Variants in EGFL6 observed in about 807,000 individuals in gnomAD.
EGFL6 encodes EGF like domain multiple 6.
A neutral mutation model predicts 43.1 loss-of-function variants in EGFL6; 42 were observed. The observed-to-expected ratio is 0.98, with a 90% CI of 0.76 to 1.26. The LOEUF is 1.26. Among genes scored for constraint, EGFL6 ranks in the 50% most tolerant of loss-of-function variants. The pLI, the probability that EGFL6 is intolerant of heterozygous loss-of-function variation, is 0.00. For synonymous variants in EGFL6, 164 were observed against 163.2 expected (o/e 1.01, Z -0.04); for missense variants, 429 against 427.8 (o/e 1.00, Z -0.02).
At chrX:13,613,765 C>A (rs2045704857) in intron 7 of EGFL6, among the ~76,000 whole-genome samples, 1 of 111,994 alleles carries the variant, frequency 8.9e-6, no homozygotes, top group African/African-American at 3.2e-5. Context: ...AGTGACAAAG[C>A]CCTCCTTACC....
At chrX:13,592,197 C>T (rs977135940) in intron 2 of EGFL6, among the ~76,000 whole-genome samples, 1 of 100,875 alleles carries the variant, frequency 9.9e-6, no homozygotes, top group Non-Finnish European at 2.0e-5. Context: ...CAGGGAACAA[C>T]TAGAGGTCTT....
intron 7 of EGFL6, among the ~76,000 whole-genome samples, chrX:13,615,182 C>T (rs2045711963): frequency 8.9e-6 from 1 of 112,639 alleles, no homozygotes; most frequent in African/African-American, 3.2e-5. Flanking sequence ...ATATGCATAT[C>T]ATTAAAGTGC....
Position 13,604,980 on chromosome X carries a change from G to T in EGFL6, c.521-1399G>T, listed in dbSNP as rs1282689303. Among the ~76,000 whole-genome samples, 2 of 111,970 alleles carry T rather than the reference G, an allele frequency of 1.8e-5. 1 individual carries two copies. Among genetic ancestry groups the T allele is most frequent in the East Asian group, 5.6e-4 (2 of 3,596 alleles). Reference sequence around the variant, plus strand: ...CTAAACACTTTTTAAAAATATACATGTAAATTAAAATTTTGTCTCTACTCT... The same window carrying T: ...CTAAACACTTTTTAAAAATATACATTTAAATTAAAATTTTGTCTCTACTCT... On this transcript the variant is annotated intron_variant, in intron 5 of 11. Coordinates refer to ENST00000361306, the MANE Select transcript of EGFL6 (RefSeq NM_015507.4).
chrX:13,631,513 G>A (rs891037706), intron 11 of EGFL6, among the ~76,000 whole-genome samples: 1 of 111,553 alleles, frequency 9.0e-6, no homozygotes, highest in South Asian at 3.7e-4. Context: ...CGGGCGCAGT[G>A]GCTCATGCCT....
In EGFL6 at chrX:13,603,329, G is replaced by T; in HGVS notation, c.413G>T (p.Cys138Phe). The change falls in exon 5 of 12, where the codon TGT becomes TTT. Residue 138 changes from cysteine to phenylalanine, a missense_variant. By Grantham distance (205) the Cys-to-Phe change is radical (BLOSUM62 -2). Transcript: ENST00000361306. Reference protein sequence around the residue: ...PDATCVNSRTCAMINCQYSCE... With the variant: ...PDATCVNSRTFAMINCQYSCE... ...TCTACTTTTTCAGACTCTAGGACATGTGCCATGATAAACTGTCAGTACAGC... is the reference window on the plus strand; with the variant it reads ...TCTACTTTTTCAGACTCTAGGACATTTGCCATGATAAACTGTCAGTACAGC... 8.3e-7 allele frequency: 1 copy of T among 1,208,420 alleles called. No homozygotes were observed. Among genetic ancestry groups the T allele is most frequent in the Non-Finnish European group, 1.1e-6 (1 of 894,168 alleles).
chrX:13,600,021 T>G lies in EGFL6; in HGVS notation c.327T>G (p.Cys109Trp). The change falls in exon 4 of 12, where the codon TGT becomes TGG. Residue 109 changes from cysteine to tryptophan, a missense_variant. Transcript: ENST00000361306. ...GMKPRPCQHR[C>W]VNTHGSYKCF... is the part of the protein sequence containing the mutation. ...AACCCCGGCCATGCCAACACAGATG[T>G]GTGAATACACACGGAAGCTACAAGT... The G allele has an allele frequency of 1.7e-6, 2 of 1,210,501 alleles. No individual in the cohort carries two copies. Among genetic ancestry groups the G allele is most frequent in the Non-Finnish European group, 2.2e-6 (2 of 894,457 alleles).
intron 6 of EGFL6, 58 bp from the exon 7 acceptor site, chrX:13,608,266 G>A: frequency 4.2e-6 from 5 of 1,192,269 alleles, no homozygotes; most frequent in Non-Finnish European, 5.7e-6. Flanking sequence ...AAGTGTAAGG[G>A]TGAGTCTTTC....
At chrX:13,587,736 A>C in intron 1 of EGFL6, among the ~76,000 whole-genome samples, 1 of 112,198 alleles carries the variant, frequency 8.9e-6, no homozygotes, top group Non-Finnish European at 1.9e-5. Flanking sequence ...AATATTTAGC[A>C]TGCTATCCTA....
chrX:13,598,473 G>A (rs924130144), intron 3 of EGFL6, among the ~76,000 whole-genome samples: 5 of 111,046 alleles, frequency 4.5e-5, no homozygotes, highest in Non-Finnish European at 7.6e-5. Context: ...TTCCAAAGGC[G>A]ACATCCTCTA....
chrX:13,603,537 T>C lies in EGFL6; in HGVS notation c.520+101T>C, dbSNP rs764915734. ...TCACAATCAGCTTGTTGACTAGACA[T>C]TGGAAACTTCTAAAAGTACAGATTT... On this transcript the variant is annotated intron_variant, in intron 5 of 11. Transcript: ENST00000361306. The C allele has an allele frequency of 4.0e-4, 383 of 958,334 alleles. 1 individual carries two copies. The highest frequency in any genetic ancestry group is 5.1e-4 in the Admixed American group (15 of 29,403). 79.0% of individuals were successfully genotyped at this position (958,334 alleles called of 1,213,427 possible).
At chrX:13,590,509 T>C (rs1309222518) in intron 2 of EGFL6, among the ~76,000 whole-genome samples, 1 of 111,898 alleles carries the variant, frequency 8.9e-6, no homozygotes, top group African/African-American at 3.3e-5. Flanking sequence ...TATTTATCTA[T>C]TAAATGGGAT....
At chrX:13,597,739 G>A (rs927053703) in intron 3 of EGFL6, among the ~76,000 whole-genome samples, 29 of 110,867 alleles carry the variant, frequency 2.6e-4, no homozygotes, top group Non-Finnish European at 4.3e-4. Context: ...AGCTGAGATC[G>A]CGCCACTGCA....
intron 1 of EGFL6, among the ~76,000 whole-genome samples, chrX:13,572,055 G>C (rs1205974524): frequency 8.9e-6 from 1 of 112,355 alleles, no homozygotes; most frequent in Non-Finnish European, 1.9e-5. Flanking sequence ...TTAGTGCATA[G>C]TACACAATTA....
chrX:13,573,140 C>T (rs766696679), intron 1 of EGFL6, among the ~76,000 whole-genome samples: 1 of 112,102 alleles, frequency 8.9e-6, no homozygotes, highest in East Asian at 2.8e-4. Context: ...AGCCCTCACT[C>T]GATCACATCT....
chrX:13,605,285 A>G lies in EGFL6; in HGVS notation c.521-1094A>G, dbSNP rs756006302. Reference sequence around the variant, plus strand: ...TCCATCTCTATAAAAAACTTTTGTTAAAAATAGCCGGGCATGGTGATGTGC... The same window carrying G: ...TCCATCTCTATAAAAAACTTTTGTTGAAAATAGCCGGGCATGGTGATGTGC... On this transcript the variant is annotated intron_variant, in intron 5 of 11. Coordinates refer to ENST00000361306, the MANE Select transcript of EGFL6 (RefSeq NM_015507.4). 6.3e-5 allele frequency among the ~76,000 whole-genome samples: 7 copies of G among 111,943 alleles called. No individual in the cohort carries two copies. In the East Asian group the frequency reaches 1.7e-3, roughly 27 times the overall value.
chrX:13,615,124 G>A (rs543867539), intron 7 of EGFL6, among the ~76,000 whole-genome samples: 130 of 112,392 alleles, frequency 1.2e-3, no homozygotes, highest in African/African-American at 4.0e-3. Context: ...CCGTCATAAT[G>A]TCAAATTTGA....
In EGFL6 at chrX:13,606,412, G is replaced by C. The variant is rs1411623079; in HGVS notation, c.554G>C (p.Cys185Ser). The change falls in exon 6 of 12, where the codon TGT becomes TCT. Residue 185 changes from cysteine (C) to serine (S), a missense_variant. Coordinates refer to ENST00000361306, the MANE Select transcript of EGFL6 (RefSeq NM_015507.4). ...IDECASGKVICPYNRRCVNTF... is the reference protein window; with the variant it reads ...IDECASGKVISPYNRRCVNTF... The stretch of plus-strand genomic sequence containing the variant: ...GAATGTGCCTCTGGTAAAGTCATCT[G>C]TCCCTACAATCGAAGATGTGTGAAC... The C allele has an allele frequency of 8.3e-7, 1 of 1,209,597 alleles. No homozygotes were observed. Among genetic ancestry groups the C allele is most frequent in the African/African-American group, 1.7e-5 (1 of 57,249 alleles).
chrX:13,592,820 G>A (rs1438866811), intron 2 of EGFL6, among the ~76,000 whole-genome samples: 1 of 87,386 alleles, frequency 1.1e-5, no homozygotes, highest in African/African-American at 4.4e-5. Context: ...TAGGTCTAGA[G>A]AATAGCAAGC....
At chrX:13,583,824 T>A (rs1439663402) in intron 1 of EGFL6, among the ~76,000 whole-genome samples, 2 of 111,559 alleles carry the variant, frequency 1.8e-5, no homozygotes, top group Non-Finnish European at 3.8e-5. Flanking sequence ...GGGTCCCAAC[T>A]ACTCTGCTCT....
Sources: gnomAD v4.1 joint callset for allele counts (sites outside exome capture counted in the v4.1 genomes callset) on GRCh38, gnomAD v4.1.1 for gene constraint, MANE v1.5 for transcripts, NCBI Gene and HGNC (gene_info 2026-07-23, HGNC 2026-07-21) for gene names.